The following SLC35E4 variants were observed in gnomAD, a reference collection of about 807,000 sequenced individuals.
SLC35E4 encodes the protein solute carrier family 35 member E4, also known as solute carrier family 35, member E4.
A neutral mutation model predicts 19.3 loss-of-function variants in SLC35E4; 15 were observed. The observed-to-expected ratio is 0.78, with a 90% CI of 0.52 to 1.20. The LOEUF is 1.20. SLC35E4 is among the 50% of genes most tolerant of loss of function. The pLI is 0.00. For missense variants in SLC35E4, 406 were observed against 472.3 expected (o/e 0.86, Z 1.30); for synonymous variants, 219 against 219.9 (o/e 1.00, Z 0.04).
At chr22:30,668,299 C>T (rs2088753859), downstream of SLC35E4, 2 of 152,344 alleles carry the variant, frequency 1.3e-5, no homozygotes, top group South Asian at 4.1e-4. Flanking sequence ...CGTTGGTGCT[C>T]TTCAGGTGCG....
At chr22:30,642,961 C>T (rs2145579517) in intron 1 of SLC35E4, among the ~76,000 whole-genome samples, 1 of 150,134 alleles carries the variant, frequency 6.7e-6, no homozygotes, top group East Asian at 2.0e-4. Context: ...ACCCGGGAGG[C>T]GGAGCTTGCA....
chr22:30,663,644 C>A, downstream of SLC35E4: 1 of 1,614,234 alleles, frequency 6.2e-7, no homozygotes, highest in Non-Finnish European at 8.5e-7. Context: ...CGTGGTACTT[C>A]ATGAGGTAGG....
chr22:30,661,444 C>CTTTTTTTTTTTTTTTTT (rs56242112), intron 2 of SLC35E4: 1 of 136,480 alleles, frequency 7.3e-6, no homozygotes, highest in Non-Finnish European at 1.5e-5. Flanking sequence ...TTTTCTTTTT[C>CTTTTTTTTTTTTTTTTT]TTTTTTTTTT....
At chr22:30,664,280 G>C (rs1425176580), downstream of SLC35E4, among the ~76,000 whole-genome samples, 2 of 152,194 alleles carry the variant, frequency 1.3e-5, no homozygotes, top group East Asian at 3.9e-4. Context: ...TCGGGGTGAA[G>C]AGCATGAATC....
intron 2 of SLC35E4, among the ~76,000 whole-genome samples, chr22:30,654,985 A>C (rs1438744081): frequency 6.6e-6 from 1 of 152,154 alleles, no homozygotes; most frequent in Non-Finnish European, 1.5e-5. Context: ...AGCCCAAAGA[A>C]TAGAAAGAAC....
chr22:30,663,457 G>C, downstream of SLC35E4: 1 of 1,610,728 alleles, frequency 6.2e-7, no homozygotes, highest in Non-Finnish European at 8.5e-7. Flanking sequence ...ATCATCAAAC[G>C]GACTTCCTTC....
downstream of SLC35E4, chr22:30,667,552 T>A (rs746793821): frequency 2.0e-5 from 3 of 152,332 alleles, no homozygotes; most frequent in Admixed American, 6.5e-5. Context: ...AGACCCGTCA[T>A]GATCCCGCAG....
downstream of SLC35E4, chr22:30,665,266 G>T (rs2088607336): frequency 4.7e-6 from 1 of 211,872 alleles, no homozygotes. Flanking sequence ...ATATATTTCA[G>T]TGGCTATCCA....
chr22:30,655,558 C>T (rs925732691), intron 2 of SLC35E4, among the ~76,000 whole-genome samples: 32 of 151,116 alleles, frequency 2.1e-4, no homozygotes, highest in Non-Finnish European at 4.1e-4. Context: ...GCCAAGGGCA[C>T]GTCTAGCATG....
downstream of SLC35E4, among the ~76,000 whole-genome samples, chr22:30,651,784 T>C (rs150901966): frequency 9.7e-3 from 1,476 of 152,214 alleles, 14 homozygotes; most frequent in South Asian, 0.031. Context: ...TCTCAAAATC[T>C]TATGGCTTAG....
At chr22:30,638,992 C>T (rs551782113) in intron 1 of SLC35E4, among the ~76,000 whole-genome samples, 2 of 152,182 alleles carry the variant, frequency 1.3e-5, no homozygotes, top group African/African-American at 2.4e-5. Context: ...TTCAGCCCAG[C>T]GCAGTGGCTC....
chr22:30,638,491 G>A (rs2087984927), intron 1 of SLC35E4, among the ~76,000 whole-genome samples: 2 of 105,492 alleles, frequency 1.9e-5, no homozygotes, highest in Admixed American at 1.2e-4. Context: ...GACAGAGTGA[G>A]ACTCCATCTC....
chr22:30,654,205 C>A, intron 2 of SLC35E4: 1 of 309,278 alleles, frequency 3.2e-6, no homozygotes, highest in Non-Finnish European at 6.3e-6. Context: ...AGGATGGTCT[C>A]AATCTCCTGA....
At chr22:30,637,786 G>C (rs1267926556) in intron 1 of SLC35E4, among the ~76,000 whole-genome samples, 1 of 152,216 alleles carries the variant, frequency 6.6e-6, no homozygotes, top group African/African-American at 2.4e-5. Context: ...AGCAGCAGAG[G>C]CAAGATCTAA....
chr22:30,655,429 C>CTAAAAA (rs1389184839), intron 2 of SLC35E4, among the ~76,000 whole-genome samples: 4 of 111,618 alleles, frequency 3.6e-5, no homozygotes, highest in Non-Finnish European at 1.8e-5. Context: ...GAGATCCTAC[C>CTAAAAA]AAAAAAAAAA....
chr22:30,666,751 T>C (rs900059474), downstream of SLC35E4: 14 of 149,984 alleles, frequency 9.3e-5, no homozygotes, highest in African/African-American at 3.2e-4. Flanking sequence ...GAGAAACAGA[T>C]AGTAAACAGG....
chr22:30,638,887 A>G (rs2087993030), intron 1 of SLC35E4, among the ~76,000 whole-genome samples: 1 of 151,886 alleles, frequency 6.6e-6, no homozygotes, highest in Admixed American at 6.6e-5. Flanking sequence ...AATTCCTTGA[A>G]CCCGGGAGAA....
intron 2 of SLC35E4, among the ~76,000 whole-genome samples, chr22:30,656,161 G>T (rs1187485004): frequency 1.3e-5 from 2 of 151,584 alleles, no homozygotes; most frequent in Non-Finnish European, 2.9e-5. Context: ...ACTTTTTGTA[G>T]AGAAGGAGTC....
chr22:30,667,645 G>C (rs1423527445), downstream of SLC35E4: 2 of 152,698 alleles, frequency 1.3e-5, no homozygotes, highest in African/African-American at 2.4e-5. Flanking sequence ...CGGGTCTTCA[G>C]AGAAATCCTG....
Sources: gnomAD v4.1 joint callset for allele counts (sites outside exome capture counted in the v4.1 genomes callset) on GRCh38, gnomAD v4.1.1 for gene constraint, MANE v1.5 for transcripts, NCBI Gene and HGNC (gene_info 2026-07-23, HGNC 2026-07-21) for gene names.